Variants in SKA1 observed in about 807,000 individuals in gnomAD.
The protein encoded by SKA1 is SKA complex subunit 1.
A neutral mutation model predicts 31.8 loss-of-function variants in SKA1; 20 were observed. The ratio of observed to expected loss-of-function variants is 0.63; its 90% CI spans 0.44 to 0.91. The LOEUF is 0.91. Ranked by LOEUF, SKA1 falls within the 40% of genes least tolerant of loss-of-function variation. SKA1 has a pLI of 0.00. For synonymous variants in SKA1, 88 were observed against 100.5 expected (o/e 0.88, Z 0.74); for missense variants, 253 against 298.2 (o/e 0.85, Z 1.12).
At chr18:50,386,341 G>A (rs969687657) in intron 5 of SKA1, among the ~76,000 whole-genome samples, 1 of 152,164 alleles carries the variant, frequency 6.6e-6, no homozygotes, top group Non-Finnish European at 1.5e-5. Flanking sequence ...CTGAGGCAAA[G>A]ATCATGATTA....
At chr18:50,384,257 G>T (rs1485876331) in intron 4 of SKA1, among the ~76,000 whole-genome samples, 1 of 152,172 alleles carries the variant, frequency 6.6e-6, no homozygotes, top group Non-Finnish European at 1.5e-5. Flanking sequence ...ACAGGTATAA[G>T]AAATATTACA....
At position 50,380,273 on chromosome 18, in the gene SKA1, G is replaced by A. The variant is rs373752411; in HGVS notation, c.213+23G>A. 92 of 1,530,524 alleles carry A rather than the reference G, an allele frequency of 6.0e-5. No individual in the cohort carries two copies. The Middle Eastern group carries it at 1.2e-3, about 20-fold the overall frequency. 94.8% of individuals were successfully genotyped at this position (1,530,524 alleles called of 1,614,324 possible). On this transcript the variant is annotated intron_variant, in intron 3 of 6. Coordinates refer to ENST00000285116, the MANE Select transcript of SKA1 (RefSeq NM_145060.4). The stretch of plus-strand genomic sequence containing the variant: ...AAGGTAATGTTTCTCTAATGAGGAA[G>A]CAGTAAAAAAGACAATACATACAAA...
chr18:50,392,198 G>A lies in SKA1; in HGVS notation c.719G>A (p.Arg240Lys), dbSNP rs749930967. The A allele has an allele frequency of 1.1e-5, 18 of 1,604,942 alleles. No homozygotes were observed. The highest frequency in any genetic ancestry group is 3.4e-5 in the South Asian group (3 of 88,748). The change falls in exon 7 of 7, where the codon AGG (arginine) becomes AAG (lysine). Residue 240 changes from arginine to lysine, a missense_variant. Arg to Lys is a conservative substitution (Grantham distance 26). Transcript: ENST00000285116. ...CTGAATATTTTACGACACTGCCGGA[G>A]GCTATCAGAGGTCCGAGGGGGAGGA... ...VLLNILRHCRRLSEVRGGGLT... is the reference protein window; with the variant it reads ...VLLNILRHCRKLSEVRGGGLT...
In SKA1 at chr18:50,389,335, C is replaced by T. The variant is rs8092237; in HGVS notation, c.450-1789C>T. Among the ~76,000 whole-genome samples, 720 of 131,170 alleles carry T rather than the reference C, an allele frequency of 5.5e-3. 5 individuals are homozygous for T. Among genetic ancestry groups the T allele is most frequent in the African/African-American group, 0.02 (680 of 33,498 alleles). The allele number at this position is 131,170 out of a possible 152,430, so 86.1% of individuals were successfully genotyped here. On this transcript the variant is annotated intron_variant, in intron 5 of 6. Transcript: ENST00000285116. ...GTTGACATTGCTCTTTAGTCTTTTT[C>T]TGGGGGGGAGAGGGTCATTTTGTCA...
At position 50,385,273 on chromosome 18, in the gene SKA1, C is replaced by G. The variant is rs377626531; in HGVS notation, c.369C>G (p.Pro123=). 4 of 1,613,254 alleles carry G rather than the reference C, an allele frequency of 2.5e-6. No individual in the cohort carries two copies. The highest frequency in any genetic ancestry group is 3.3e-5 in the Admixed American group (2 of 59,962). The stretch of plus-strand genomic sequence containing the variant: ...CAATCAAAGTTGAAGAACCTGAACC[C>G]GTAAAGAAGCCTCCCAAAGAGCAAA... ...EEPIKVEEPE[P]VKKPPKEQRS... The change falls in exon 5 of 7, where the codon CCC becomes CCG. Residue 123 remains proline, a synonymous_variant. Transcript: ENST00000285116.
chr18:50,386,483 T>C (rs963301585), intron 5 of SKA1, among the ~76,000 whole-genome samples: 6 of 152,162 alleles, frequency 3.9e-5, no homozygotes, highest in Admixed American at 3.9e-4. Context: ...ATACCGCTTC[T>C]CCCCTGCACA....
intron 5 of SKA1, among the ~76,000 whole-genome samples, chr18:50,388,480 T>A (rs2041329002): frequency 6.6e-6 from 1 of 152,232 alleles, no homozygotes; most frequent in Admixed American, 6.5e-5. Context: ...GCTTGCTAAG[T>A]GTTAGTTCAC....
intron 4 of SKA1, 86 bp downstream of exon 4, chr18:50,382,312 C>A (rs976869700): frequency 5.4e-5 from 42 of 781,586 alleles, no homozygotes; most frequent in Non-Finnish European, 7.0e-5. Flanking sequence ...CTTTCATATA[C>A]TTGCAGTTTT....
At chr18:50,380,577 C>T (rs897687610) in intron 3 of SKA1, among the ~76,000 whole-genome samples, 2 of 152,116 alleles carry the variant, frequency 1.3e-5, no homozygotes, top group African/African-American at 4.8e-5. Context: ...TGGATTCTTA[C>T]CTTGGTGGTC....
intron 4 of SKA1, 131 bp downstream of exon 4, chr18:50,382,357 A>G (rs2041270380): frequency 1.9e-6 from 1 of 517,888 alleles, no homozygotes; most frequent in Non-Finnish European, 3.3e-6. Context: ...CACCTATACT[A>G]AAAACAGTAT....
chr18:50,377,502 T>C (rs956949559), intron 2 of SKA1, among the ~76,000 whole-genome samples: 4 of 152,230 alleles, frequency 2.6e-5, no homozygotes, highest in Non-Finnish European at 5.9e-5. Context: ...TGAAATAAAT[T>C]ATTTAAGCAT....
At chr18:50,388,390 C>A (rs2041328006) in intron 5 of SKA1, among the ~76,000 whole-genome samples, 2 of 152,174 alleles carry the variant, frequency 1.3e-5, no homozygotes, top group Non-Finnish European at 2.9e-5. Flanking sequence ...GTGCCTGGCC[C>A]TAGTTCCCAT....
chr18:50,386,976 C>T (rs562277475), intron 5 of SKA1, among the ~76,000 whole-genome samples: 23 of 152,214 alleles, frequency 1.5e-4, no homozygotes, highest in Middle Eastern at 3.4e-3. Flanking sequence ...ATGAATAAAG[C>T]GCTAAAAACG....
chr18:50,391,338 T>G, intron 6 of SKA1, 45 bp downstream of exon 6: 1 of 1,377,968 alleles, frequency 7.3e-7, no homozygotes, highest in Non-Finnish European at 9.5e-7. Context: ...CTGTTCAGAG[T>G]ATAACTAAAT....
intron 2 of SKA1, among the ~76,000 whole-genome samples, chr18:50,376,587 G>GTA (rs1568327260): frequency 6.6e-6 from 1 of 152,090 alleles, no homozygotes; most frequent in African/African-American, 2.4e-5. Context: ...GGACATCACT[G>GTA]TATACTACTG....
At chr18:50,388,755 C>G (rs2041331402) in intron 5 of SKA1, among the ~76,000 whole-genome samples, 1 of 152,040 alleles carries the variant, frequency 6.6e-6, no homozygotes, top group South Asian at 2.1e-4. Context: ...TGGCCTATTT[C>G]AAAATAATTA....
At position 50,382,115 on chromosome 18, in the gene SKA1, CT is replaced by C; in HGVS notation, c.214-10del. 1 of 1,447,108 alleles carries C rather than the reference CT, an allele frequency of 6.9e-7. No individual in the cohort carries two copies. The highest frequency in any genetic ancestry group is 2.6e-5 in the East Asian group (1 of 38,932). The allele number at this position is 1,447,108 out of a possible 1,614,324, so 89.6% of individuals were successfully genotyped here. A position where few individuals can be genotyped will look rare whatever the true frequency, so the allele number is the denominator to read the frequency against. On this transcript the variant is annotated splice_polypyrimidine_tract_variant and intron_variant, in intron 3 of 6. Transcript: ENST00000285116. The stretch of plus-strand genomic sequence containing the variant: ...GAGGACAGAGACTTATTTGTGAGCA[CT>C]TTTAAATTTTAGGAACTCTGTGAAT...
intron 2 of SKA1, among the ~76,000 whole-genome samples, chr18:50,378,347 AGTTT>A (rs1251263014): frequency 6.6e-6 from 1 of 152,180 alleles, no homozygotes; most frequent in African/African-American, 2.4e-5. Context: ...AAAGTCTGGT[AGTTT>A]GTTTGCTACT....
intron 4 of SKA1, 130 bp from the exon 5 acceptor site, chr18:50,385,085 GA>G: frequency 1.1e-5 from 8 of 709,614 alleles, no homozygotes; most frequent in South Asian, 8.5e-5. Flanking sequence ...CATAGGGATA[GA>G]AAAAAATGTT....
Sources: allele counts gnomAD v4.1 joint callset (sites outside exome capture counted in the v4.1 genomes callset), GRCh38; gene constraint gnomAD v4.1.1; transcripts MANE v1.5; gene names NCBI Gene and HGNC (gene_info 2026-07-23, HGNC 2026-07-21).